Variants in MAP2K3 observed in about 807,000 individuals in gnomAD.
MAP2K3 encodes dual specificity mitogen-activated protein kinase kinase 3.
Under a neutral mutation model 46.4 loss-of-function variants are expected in MAP2K3, and 30 were observed. The ratio of observed to expected loss-of-function variants is 0.65; its 90% CI spans 0.48 to 0.88. MAP2K3 has a LOEUF of 0.88. Among genes scored for constraint, MAP2K3 ranks in the 40% least tolerant of loss-of-function variants. MAP2K3 has a pLI of 0.00. For synonymous variants in MAP2K3, 189 were observed against 176.3 expected (o/e 1.07, Z -0.57); for missense variants, 380 against 464.5 (o/e 0.82, Z 1.67).
At position 21,302,283 on chromosome 17, in the gene MAP2K3, G is replaced by T; in HGVS notation, c.516+24G>T. 4 of 1,444,454 alleles carry T rather than the reference G, an allele frequency of 2.8e-6. No individual in the cohort carries two copies. In the South Asian group the frequency reaches 4.7e-5, roughly 17 times the overall value. 89.5% of individuals were successfully genotyped at this position (1,444,454 alleles called of 1,614,324 possible). ...CTGTGAGTGGCCTGGGTGGGCTGGC[G>T]GGGGGTCCTAGGTGCATAGGCAGAG... is the stretch of plus-strand genomic sequence containing the variant. On this transcript the variant is annotated intron_variant, in intron 6 of 11. Transcript: ENST00000342679.
chr17:21,294,234 T>C (rs575325458), intron 1 of MAP2K3, among the ~76,000 whole-genome samples: 24 of 66,346 alleles, frequency 3.6e-4, no homozygotes, highest in African/African-American at 9.3e-4. Context: ...TCCCAGCCCT[T>C]GTGGCTCCTT....
chr17:21,287,059 G>A (rs1236051813), intron 1 of MAP2K3, among the ~76,000 whole-genome samples: 2 of 152,376 alleles, frequency 1.3e-5, no homozygotes, highest in African/African-American at 2.4e-5. Context: ...TGTGACAGGC[G>A]GAGCTAGGGT....
intron 1 of MAP2K3, among the ~76,000 whole-genome samples, chr17:21,297,287 G>A (rs1283083855): frequency 6.6e-6 from 1 of 152,428 alleles, no homozygotes; most frequent in African/African-American, 2.4e-5. Flanking sequence ...TTGGCAGGCG[G>A]CAGCAGGGCC....
At chr17:21,285,824 A>T (rs1445409636) in intron 1 of MAP2K3, among the ~76,000 whole-genome samples, 2 of 152,084 alleles carry the variant, frequency 1.3e-5, no homozygotes, top group African/African-American at 4.8e-5. Context: ...GCCTTCCTGG[A>T]AATTTTTGTG....
At chr17:21,302,597 G>A (rs140983077) in intron 6 of MAP2K3, among the ~76,000 whole-genome samples, 1 of 152,428 alleles carries the variant, frequency 6.6e-6, no homozygotes, top group African/African-American at 2.4e-5. Flanking sequence ...ATGCCCCGGG[G>A]CAGCTCACAG....
At position 21,304,412 on chromosome 17, in the gene MAP2K3, T is replaced by C; in HGVS notation, c.569-14T>C. 6.2e-7 allele frequency: 1 copy of C among 1,614,306 alleles called. No homozygotes were observed. Among genetic ancestry groups the C allele is most frequent in the Non-Finnish European group, 8.5e-7 (1 of 1,180,056 alleles). On this transcript the variant is annotated splice_polypyrimidine_tract_variant and intron_variant, in intron 7 of 11. Coordinates refer to ENST00000342679, the MANE Select transcript of MAP2K3 (RefSeq NM_145109.3). The stretch of plus-strand genomic sequence containing the variant: ...GCTCCACAGACGTGGCTGAGGCATG[T>C]CCCTCCCTGGCAGATGTGAAGCCCT...
intron 3 of MAP2K3, among the ~76,000 whole-genome samples, chr17:21,299,552 C>T (rs920799761): frequency 3.3e-5 from 5 of 152,294 alleles, no homozygotes; most frequent in Admixed American, 2.0e-4. Context: ...CGTGGTGGTG[C>T]GTGCCTGTGG....
chr17:21,305,582 G>A (rs907370806), intron 9 of MAP2K3, among the ~76,000 whole-genome samples: 6 of 152,290 alleles, frequency 3.9e-5, no homozygotes, highest in African/African-American at 1.2e-4. Flanking sequence ...GAAGCCAAAG[G>A]CATCCCTGGC....
intron 5 of MAP2K3, among the ~76,000 whole-genome samples, chr17:21,301,291 T>G (rs1976586418): frequency 6.6e-6 from 1 of 152,302 alleles, no homozygotes; most frequent in African/African-American, 2.4e-5. Context: ...CGCATCCCCA[T>G]GGCATACAGG....
chr17:21,307,899 A>T (rs1976976340), intron 9 of MAP2K3, among the ~76,000 whole-genome samples: 1 of 129,428 alleles, frequency 7.7e-6, no homozygotes, highest in African/African-American at 3.0e-5. Context: ...TCTGTTGCCT[A>T]GCCTGGAGTG....
chr17:21,295,208 G>T (rs1976171211), intron 1 of MAP2K3, among the ~76,000 whole-genome samples: 1 of 152,308 alleles, frequency 6.6e-6, no homozygotes, highest in African/African-American at 2.4e-5. Flanking sequence ...AGGGTCGGGG[G>T]CTCTAGTTGG....
intron 1 of MAP2K3, 158 bp from the exon 2 acceptor site, chr17:21,298,255 T>G: frequency 2.8e-6 from 3 of 1,071,878 alleles, no homozygotes; most frequent in Non-Finnish European, 4.3e-6. Flanking sequence ...CCTTCCCCCT[T>G]TGAAGGCCTA....
rs889093120 is a variant in MAP2K3, at chr17:21,284,780, T to TCGCCGCCGCCGCCGC, written c.-128_-114dup. 5.5e-6 allele frequency: 5 copies of TCGCCGCCGCCGCCGC among 902,254 alleles called. No homozygotes were observed. Among genetic ancestry groups the TCGCCGCCGCCGCCGC allele is most frequent in the Admixed American group, 7.7e-5 (2 of 26,066 alleles). The allele number at this position is 902,254 out of a possible 1,614,324, so 55.9% of individuals were successfully genotyped here. On this transcript the variant is annotated 5_prime_UTR_variant, in exon 1 of 12. Coordinates refer to ENST00000342679, the MANE Select transcript of MAP2K3 (RefSeq NM_145109.3). ...GTCGCCGCCGCAGTCCTCGCCGCAG[T>TCGCCGCCGCCGCCGC]CGCCGCCGCCGCCGCCGCCGCCGCC...
chr17:21,302,822 G>T (rs1045619606), intron 6 of MAP2K3, among the ~76,000 whole-genome samples: 1 of 152,312 alleles, frequency 6.6e-6, no homozygotes, highest in African/African-American at 2.4e-5. Context: ...GCCTTCCCAA[G>T]GGAAATGGCT....
intron 8 of MAP2K3, among the ~76,000 whole-genome samples, chr17:21,304,842 G>A (rs1976805325): frequency 6.6e-6 from 1 of 152,310 alleles, no homozygotes. Flanking sequence ...TGTCAGGAGG[G>A]CCTTAGGGGC....
Position 21,300,603 on chromosome 17 carries a change from A to G in MAP2K3, c.224A>G (p.Tyr75Cys), listed in dbSNP as rs781769054. 9.3e-6 allele frequency: 15 copies of G among 1,613,106 alleles called. No homozygotes were observed. The East Asian group carries it at 1.6e-4, about 17-fold the overall frequency. The stretch of plus-strand genomic sequence containing the variant: ...ATCTCAGAACTGGGCCGTGGAGCCT[A>G]TGGGGTGGTAGAGAAGGTGCGGCAC... ...VTISELGRGA[Y>C]GVVEKVRHAQ... Residue 75 changes from tyrosine (Y) to cysteine (C), a missense_variant, in exon 4 of 12, where the codon TAT becomes TGT. Tyr to Cys is a radical substitution (Grantham distance 194, BLOSUM62 -2). Coordinates refer to ENST00000342679, the MANE Select transcript of MAP2K3 (RefSeq NM_145109.3).
At chr17:21,302,286 G>A (rs1330146577) in intron 6 of MAP2K3, 27 bp downstream of exon 6, 15 of 1,598,884 alleles carry the variant, frequency 9.4e-6, no homozygotes, top group Non-Finnish European at 1.3e-5. Context: ...GGCTGGCGGG[G>A]GGTCCTAGGT....
chr17:21,298,501 C>G (rs1471629499), intron 2 of MAP2K3, 22 bp downstream of exon 2: 1 of 1,614,312 alleles, frequency 6.2e-7, no homozygotes, highest in Admixed American at 1.7e-5. Flanking sequence ...TCAGTTTCTC[C>G]CTGGCTCACC....
chr17:21,312,892 G>A (rs1977232093), intron 10 of MAP2K3, among the ~76,000 whole-genome samples: 2 of 150,268 alleles, frequency 1.3e-5, no homozygotes, highest in South Asian at 2.1e-4. Flanking sequence ...CTGCACTCCA[G>A]CATGGGTGAC....
Sources: allele counts gnomAD v4.1 joint callset (sites outside exome capture counted in the v4.1 genomes callset), GRCh38; gene constraint gnomAD v4.1.1; transcripts MANE v1.5; gene names NCBI Gene and HGNC (gene_info 2026-07-23, HGNC 2026-07-21).